Variants in CSMD1 observed in about 807,000 individuals in gnomAD.
CSMD1 encodes the protein CUB and sushi domain-containing protein 1.
CSMD1 carries 213 observed loss-of-function variants against 417.5 expected under a neutral mutation model. That is an observed-to-expected ratio of 0.51 (90% CI 0.46 to 0.57). The LOEUF (loss-of-function observed/expected upper bound fraction) is 0.57, where lower values mean the gene tolerates loss of function less well. Among genes scored for constraint, CSMD1 ranks in the 20% least tolerant of loss-of-function variants. CSMD1 has a pLI of 0.00. For synonymous variants in CSMD1, 2,862 were observed against 1,736.8 expected (o/e 1.65, Z -16.11); for missense variants, 6,923 against 4,529.7 (o/e 1.53, Z -15.17).
chr8:3,505,181 A>G lies in CSMD1; in HGVS notation c.1345-11455T>C, dbSNP rs372393642. 3.6e-4 allele frequency among the ~76,000 whole-genome samples: 55 copies of G among 152,326 alleles called. 1 individual carries two copies. In the South Asian group the frequency reaches 0.011, roughly 30 times the overall value. On this transcript the variant is annotated intron_variant, in intron 10 of 69. Coordinates refer to ENST00000635120, the MANE Select transcript of CSMD1 (RefSeq NM_033225.6). ...TATGAAAGAGGGTAGAGTAAGTATT[A>G]AAAAATGAGAGACTGGGAATGTAAA...
chr8:3,061,526 T>C (rs562491221), intron 49 of CSMD1, among the ~76,000 whole-genome samples: 6 of 152,204 alleles, frequency 3.9e-5, no homozygotes, highest in African/African-American at 1.4e-4. Flanking sequence ...GAGCAAACAC[T>C]GGGAGACGTG....
intron 5 of CSMD1, among the ~76,000 whole-genome samples, chr8:3,906,091 C>A (rs754580219): frequency 2.0e-5 from 3 of 152,132 alleles, no homozygotes; most frequent in Non-Finnish European, 4.4e-5. Flanking sequence ...CTTTCCTTCC[C>A]ATGATGCTAA....
At chr8:3,767,632 T>C (rs1003374759) in intron 5 of CSMD1, among the ~76,000 whole-genome samples, 3 of 152,210 alleles carry the variant, frequency 2.0e-5, no homozygotes, top group African/African-American at 7.2e-5. Flanking sequence ...TGCATATATA[T>C]TCACGCAATG....
At chr8:3,617,485 G>A (rs962995169) in intron 7 of CSMD1, among the ~76,000 whole-genome samples, 3 of 151,694 alleles carry the variant, frequency 2.0e-5, no homozygotes, top group African/African-American at 7.3e-5. Flanking sequence ...TTTTCTCCCA[G>A]GAATTTGCTT....
chr8:4,734,420 A>G (rs1046637624), intron 1 of CSMD1, among the ~76,000 whole-genome samples: 2 of 149,654 alleles, frequency 1.3e-5, no homozygotes, highest in Non-Finnish European at 3.0e-5. Flanking sequence ...TGAGTCCCTG[A>G]AAAAAAAAGG....
At chr8:4,966,710 T>C (rs978127878) in intron 1 of CSMD1, among the ~76,000 whole-genome samples, 2 of 152,220 alleles carry the variant, frequency 1.3e-5, no homozygotes, top group African/African-American at 4.8e-5. Flanking sequence ...TAATAATTTT[T>C]ATTTGGCAAA....
intron 3 of CSMD1, among the ~76,000 whole-genome samples, chr8:4,365,632 AACG>A: frequency 6.6e-6 from 1 of 152,286 alleles, no homozygotes; most frequent in South Asian, 2.1e-4. Flanking sequence ...TCTGAACACT[AACG>A]GTGAATTTTA....
chr8:4,275,211 C>G (rs1026309883), intron 3 of CSMD1, among the ~76,000 whole-genome samples: 1 of 151,874 alleles, frequency 6.6e-6, no homozygotes, highest in African/African-American at 2.4e-5. Context: ...AAATTATTGT[C>G]TAGTTTGTTT....
chr8:4,937,563 C>T (rs761188604), intron 1 of CSMD1, among the ~76,000 whole-genome samples: 7 of 152,160 alleles, frequency 4.6e-5, no homozygotes, highest in Non-Finnish European at 1.0e-4. Context: ...CTCTTTCTGT[C>T]AGCATGACAA....
At chr8:3,225,349 T>C (rs1399968610) in intron 27 of CSMD1, among the ~76,000 whole-genome samples, 1 of 152,032 alleles carries the variant, frequency 6.6e-6, no homozygotes, top group East Asian at 1.9e-4. Flanking sequence ...TATGATATAA[T>C]TTTTACAGAA....
chr8:4,372,848 G>C (rs562107551), intron 3 of CSMD1, among the ~76,000 whole-genome samples: 1 of 152,206 alleles, frequency 6.6e-6, no homozygotes, highest in Non-Finnish European at 1.5e-5. Flanking sequence ...TTCCAGTGCA[G>C]AAGACTACAA....
Position 4,515,444 on chromosome 8 carries a change from G to C in CSMD1, c.303-95379C>G, listed in dbSNP as rs146146271. On this transcript the variant is annotated intron_variant, in intron 2 of 69. Coordinates refer to ENST00000635120, the MANE Select transcript of CSMD1 (RefSeq NM_033225.6). ...TGACAAAGTCAGGAACGCTTTCAGA[G>C]GAGAGTTAATATCTGATCTGGATTT... Among the ~76,000 whole-genome samples, 950 of 152,212 alleles carry C rather than the reference G, an allele frequency of 6.2e-3. 13 individuals are homozygous for C. Among genetic ancestry groups the C allele is most frequent in the African/African-American group, 0.022 (904 of 41,530 alleles).
At chr8:4,166,647 G>C (rs368560165) in intron 3 of CSMD1, among the ~76,000 whole-genome samples, 87 of 152,102 alleles carry the variant, frequency 5.7e-4, no homozygotes, top group African/African-American at 1.9e-3. Flanking sequence ...CTGCATATTG[G>C]GTACCGTGTA....
intron 1 of CSMD1, among the ~76,000 whole-genome samples, chr8:4,745,053 T>C (rs767669462): frequency 9.9e-5 from 15 of 152,176 alleles, no homozygotes; most frequent in Admixed American, 2.6e-4. Flanking sequence ...TTCTTTTTTA[T>C]ATAAATTTAG....
chr8:4,982,191 T>G (rs745554494), intron 1 of CSMD1, among the ~76,000 whole-genome samples: 1 of 152,200 alleles, frequency 6.6e-6, no homozygotes, highest in Non-Finnish European at 1.5e-5. Flanking sequence ...CACAGACCCC[T>G]GACCCACGGA....
chr8:4,916,844 T>G (rs950569118), intron 1 of CSMD1, among the ~76,000 whole-genome samples: 1 of 152,212 alleles, frequency 6.6e-6, no homozygotes, highest in African/African-American at 2.4e-5. Flanking sequence ...CTGAGAATAT[T>G]TTACTTTTGC....
chr8:3,984,697 T>C (rs865987593), intron 5 of CSMD1, among the ~76,000 whole-genome samples: 275 of 110,800 alleles, frequency 2.5e-3, no homozygotes, highest in African/African-American at 8.6e-3. Context: ...GGATTCAGTG[T>C]ATATATCATA....
intron 10 of CSMD1, among the ~76,000 whole-genome samples, chr8:3,548,781 G>A (rs778336731): frequency 4.0e-5 from 6 of 151,210 alleles, no homozygotes; most frequent in Non-Finnish European, 4.4e-5. Context: ...TTGTTTTCAT[G>A]CTTAACCACC....
At chr8:4,230,212 C>A (rs1801630940) in intron 3 of CSMD1, among the ~76,000 whole-genome samples, 1 of 152,106 alleles carries the variant, frequency 6.6e-6, no homozygotes, top group Non-Finnish European at 1.5e-5. Flanking sequence ...GAGTTTCCCT[C>A]TAATCTTAAT....
Sources: gnomAD v4.1 joint callset for allele counts (sites outside exome capture counted in the v4.1 genomes callset) on GRCh38, gnomAD v4.1.1 for gene constraint, MANE v1.5 for transcripts, NCBI Gene and HGNC (gene_info 2026-07-23, HGNC 2026-07-21) for gene names.